The following FSTL4 variants were observed in gnomAD, a reference collection of about 807,000 sequenced individuals.
FSTL4 encodes the protein follistatin like 4.
In FSTL4, 28 loss-of-function variants were observed where a neutral mutation model predicts 78.2. The observed-to-expected ratio is 0.36, with a 90% confidence interval of 0.27 to 0.49. The LOEUF is 0.49. FSTL4 is among the 20% of genes least tolerant of loss of function. The pLI is 0.98. For synonymous variants in FSTL4, 422 were observed against 440.5 expected, an observed-to-expected ratio of 0.96 and a Z score of 0.53; for missense variants, 922 against 1,084.9, an observed-to-expected ratio of 0.85 and a Z score of 2.11.
rs145393474 is a variant in FSTL4, at chr5:133,570,338, C to T, written c.127-3119G>A. 2.8e-3 allele frequency among the ~76,000 whole-genome samples: 425 copies of T among 151,830 alleles called. 5 individuals are homozygous for T. The highest frequency in any genetic ancestry group is 0.014 in the Middle Eastern group (4 of 294). The stretch of plus-strand genomic sequence containing the variant: ...TATCTTATTTTAAAATTTTTTTATT[C>T]TTGAGACAGAGTCTCACACTGTGGC... On this transcript the variant is annotated intron_variant, in intron 2 of 15. Transcript: ENST00000265342.
intron 2 of FSTL4, chr5:133,575,215 C>T (rs2112952089): frequency 6.6e-6 from 1 of 152,230 alleles, no homozygotes; most frequent in Non-Finnish European, 1.5e-5. Context: ...TGAGAAGTGG[C>T]CACATCAGGA....
chr5:133,257,901 A>G (rs543584828), intron 6 of FSTL4, among the ~76,000 whole-genome samples: 5 of 152,324 alleles, frequency 3.3e-5, no homozygotes, highest in African/African-American at 7.2e-5. Flanking sequence ...ACTGCCTATT[A>G]CTTTGGTGTC....
chr5:133,802,305 A>C, the FSTL4 span, among the ~76,000 whole-genome samples: 1 of 152,224 alleles, frequency 6.6e-6, no homozygotes, highest in East Asian at 1.9e-4. Context: ...AATCAAGGAA[A>C]GAGGAGAGAG....
At chr5:133,328,846 C>T (rs75871473) in intron 4 of FSTL4, among the ~76,000 whole-genome samples, 2,475 of 152,288 alleles carry the variant, frequency 0.016, 60 homozygotes, top group African/African-American at 0.052. Context: ...TCCAAGACTT[C>T]CTTGGGAGGC....
intron 6 of FSTL4, among the ~76,000 whole-genome samples, chr5:133,259,138 A>C (rs528479448): frequency 4.5e-4 from 65 of 145,674 alleles, no homozygotes; most frequent in African/African-American, 1.4e-3. Flanking sequence ...AGATGAGAGA[A>C]TACCAAGAGA....
chr5:133,691,825 T>C, the FSTL4 span, among the ~76,000 whole-genome samples: 1 of 152,160 alleles, frequency 6.6e-6, no homozygotes, highest in Non-Finnish European at 1.5e-5. Context: ...ACAAACCCTC[T>C]TAAGTAGCTG....
chr5:133,375,302 A>ATGTGTG (rs1755406290), intron 4 of FSTL4, among the ~76,000 whole-genome samples: 1 of 113,084 alleles, frequency 8.8e-6, no homozygotes, highest in African/African-American at 3.0e-5. Context: ...ATATATATAT[A>ATGTGTG]TATATATATA....
chr5:133,537,649 G>A (rs1759376156), intron 3 of FSTL4, among the ~76,000 whole-genome samples: 1 of 152,032 alleles, frequency 6.6e-6, no homozygotes, highest in South Asian at 2.1e-4. Flanking sequence ...GAGATAGCAG[G>A]TGCTCTCATC....
chr5:133,231,990 G>T (rs72803110), intron 8 of FSTL4, among the ~76,000 whole-genome samples: 1 of 152,314 alleles, frequency 6.6e-6, no homozygotes, highest in South Asian at 2.1e-4. Context: ...TAGCATGCGG[G>T]AGTAATAAAC....
At chr5:133,251,840 C>T (rs1347618529) in intron 6 of FSTL4, among the ~76,000 whole-genome samples, 1 of 152,220 alleles carries the variant, frequency 6.6e-6, no homozygotes, top group African/African-American at 2.4e-5. Flanking sequence ...CTCCTGGCCT[C>T]AAGGGGCATG....
intron 4 of FSTL4, among the ~76,000 whole-genome samples, chr5:133,352,887 C>T (rs780805394): frequency 1.3e-5 from 2 of 152,090 alleles, no homozygotes; most frequent in Non-Finnish European, 2.9e-5. Flanking sequence ...CATGTTTTTG[C>T]TATTGCGAAT....
At chr5:133,272,076 A>G (rs1046190590) in intron 6 of FSTL4, among the ~76,000 whole-genome samples, 1 of 152,262 alleles carries the variant, frequency 6.6e-6, no homozygotes, top group South Asian at 2.1e-4. Context: ...CAGGGAAATT[A>G]AAACACAGTG....
At chr5:133,811,509 C>T in the FSTL4 span, among the ~76,000 whole-genome samples, 1 of 152,220 alleles carries the variant, frequency 6.6e-6, no homozygotes, top group Non-Finnish European at 1.5e-5. Context: ...AGAAGCATGT[C>T]TTACACACCC....
chr5:133,225,926 G>T lies in FSTL4; in HGVS notation c.1016-107C>A. 1 of 760,054 alleles carries T rather than the reference G, an allele frequency of 1.3e-6. No homozygotes were observed. The highest frequency in any genetic ancestry group is 2.6e-5 in the South Asian group (1 of 38,752). The allele number at this position is 760,054 out of a possible 1,614,324, so 47.1% of individuals were successfully genotyped here. A position where few individuals can be genotyped will look rare whatever the true frequency, so the allele number is the denominator to read the frequency against. On this transcript the variant is annotated intron_variant, in intron 8 of 15. Coordinates refer to ENST00000265342, the MANE Select transcript of FSTL4 (RefSeq NM_015082.2). This position sits in a 1 kb window ranked among gnomAD's most constrained non-coding sequence, Gnocchi z 4.6. ...CCAGAGGGGGTGAACCCAAGTAGGT[G>T]ACTGGAGTTCTGTGTTTAACCAAAT...
intron 3 of FSTL4, among the ~76,000 whole-genome samples, chr5:133,544,907 A>C (rs1759544600): frequency 6.6e-6 from 1 of 152,206 alleles, no homozygotes; most frequent in South Asian, 2.1e-4. Context: ...GGCCCAGTCA[A>C]AGTATAGAGA....
intron 3 of FSTL4, among the ~76,000 whole-genome samples, chr5:133,420,207 A>T (rs963839344): frequency 9.8e-5 from 15 of 152,320 alleles, no homozygotes; most frequent in Admixed American, 9.1e-4. Context: ...AGCTAAAACT[A>T]ATCTACGATG....
Position 133,199,021 on chromosome 5 carries a change from A to T in FSTL4, c.*74T>A. On this transcript the variant is annotated 3_prime_UTR_variant, in exon 16 of 16. Coordinates refer to ENST00000265342, the MANE Select transcript of FSTL4 (RefSeq NM_015082.2). The surrounding 1 kb of genome is among the most constrained non-coding windows in gnomAD (Gnocchi z 4.4). ...TTTTTGCTTTTGTCTGTAAAAATGT[A>T]CAGCGTACCTGCTTGAGGCTGCAGT... 1.1e-6 allele frequency: 1 copy of T among 927,712 alleles called. No homozygotes were observed. The highest frequency in any genetic ancestry group is 1.6e-6 in the Non-Finnish European group (1 of 627,312). The allele number at this position is 927,712 out of a possible 1,614,324, so 57.5% of individuals were successfully genotyped here.
At chr5:133,489,824 A>G (rs1758220928) in intron 3 of FSTL4, among the ~76,000 whole-genome samples, 1 of 152,216 alleles carries the variant, frequency 6.6e-6, no homozygotes. Context: ...CTGACATTTG[A>G]ACAGATGCCC....
chr5:133,683,503 T>TA, the FSTL4 span, among the ~76,000 whole-genome samples: 6 of 152,156 alleles, frequency 3.9e-5, no homozygotes, highest in Non-Finnish European at 8.8e-5. Context: ...CCACACCATA[T>TA]AAATCAAACT....
Sources: allele counts gnomAD v4.1 joint callset (sites outside exome capture counted in the v4.1 genomes callset), GRCh38; gene constraint gnomAD v4.1.1; non-coding constraint Gnocchi (gnomAD v3.1); transcripts MANE v1.5; gene names NCBI Gene and HGNC (gene_info 2026-07-23, HGNC 2026-07-21).